The following TOX variants were observed in gnomAD, a reference collection of about 807,000 sequenced individuals.
TOX encodes thymocyte selection associated high mobility group box.
A neutral mutation model predicts 53.7 loss-of-function variants in TOX; 11 were observed. The observed-to-expected ratio is 0.20, with a 90% CI of 0.13 to 0.34. The LOEUF is 0.34. Ranked by LOEUF, TOX falls within the 10% of genes least tolerant of loss-of-function variation. The pLI is 1.00. For missense variants in TOX, 570 were observed against 664.6 expected, an observed-to-expected ratio of 0.86 and a Z score of 1.56; for synonymous variants, 225 against 245.3, an observed-to-expected ratio of 0.92 and a Z score of 0.77.
intron 2 of TOX, among the ~76,000 whole-genome samples, chr8:58,948,718 T>TA (rs1812567093): frequency 6.6e-6 from 1 of 151,072 alleles, no homozygotes; most frequent in Non-Finnish European, 1.5e-5. Context: ...CTATTTTTTT[T>TA]AGTCATCTAG....
chr8:59,077,522 A>G (rs560450482), intron 1 of TOX, among the ~76,000 whole-genome samples: 1 of 152,232 alleles, frequency 6.6e-6, no homozygotes, highest in Non-Finnish European at 1.5e-5. Flanking sequence ...TGGGTCTCTG[A>G]GATCCCTCTT....
chr8:58,969,779 C>T (rs1215112707), intron 1 of TOX, among the ~76,000 whole-genome samples: 1 of 152,062 alleles, frequency 6.6e-6, no homozygotes, highest in Non-Finnish European at 1.5e-5. Context: ...TTGACAATGT[C>T]CATTTTATCA....
chr8:58,883,325 T>C (rs1811413493), intron 3 of TOX, among the ~76,000 whole-genome samples: 1 of 152,208 alleles, frequency 6.6e-6, no homozygotes, highest in African/African-American at 2.4e-5. Flanking sequence ...CTAAAGGACT[T>C]TGATTGAACA....
At chr8:58,939,586 T>C in intron 2 of TOX, 42 bp from the exon 3 acceptor site, 1 of 1,568,644 alleles carries the variant, frequency 6.4e-7, no homozygotes, top group African/African-American at 1.4e-5. Flanking sequence ...ATTATCATCT[T>C]CTTGCTCTTC....
intron 1 of TOX, among the ~76,000 whole-genome samples, chr8:59,044,418 C>T (rs2129420944): frequency 6.6e-6 from 1 of 152,202 alleles, no homozygotes; most frequent in Non-Finnish European, 1.5e-5. Context: ...ACAAGATTTC[C>T]CACCTGTCCC....
intron 1 of TOX, among the ~76,000 whole-genome samples, chr8:59,077,875 T>G (rs969460667): frequency 3.9e-5 from 6 of 152,182 alleles, no homozygotes; most frequent in African/African-American, 1.4e-4. Flanking sequence ...GAACAATCCT[T>G]TTTGCCCCTT....
chr8:59,096,486 T>C (rs1804714121), intron 1 of TOX, among the ~76,000 whole-genome samples: 2 of 152,200 alleles, frequency 1.3e-5, no homozygotes, highest in Non-Finnish European at 2.9e-5. Context: ...AAAATCCAGA[T>C]TGCCCTGTAG....
chr8:59,066,951 ATAT>A (rs1563435613), intron 1 of TOX, among the ~76,000 whole-genome samples: 1 of 152,246 alleles, frequency 6.6e-6, no homozygotes, highest in Non-Finnish European at 1.5e-5. Flanking sequence ...AAACACATCA[ATAT>A]TATGCAAACT....
chr8:59,085,035 A>T (rs1157262295), intron 1 of TOX, among the ~76,000 whole-genome samples: 1 of 152,220 alleles, frequency 6.6e-6, no homozygotes, highest in Non-Finnish European at 1.5e-5. Context: ...TAAACCAAAC[A>T]AAGAAATATA....
intron 3 of TOX, among the ~76,000 whole-genome samples, chr8:58,854,790 T>C (rs1274658834): frequency 6.6e-6 from 1 of 152,184 alleles, no homozygotes; most frequent in Non-Finnish European, 1.5e-5. Flanking sequence ...GATCTACCCA[T>C]GGCAACATTT....
chr8:58,847,695 C>T (rs1245906891), intron 4 of TOX, among the ~76,000 whole-genome samples: 1 of 151,986 alleles, frequency 6.6e-6, no homozygotes, highest in African/African-American at 2.4e-5. Flanking sequence ...AAGAAACCCA[C>T]ACATATCACC....
chr8:58,858,438 C>T (rs538098613), intron 3 of TOX, among the ~76,000 whole-genome samples: 10 of 152,328 alleles, frequency 6.6e-5, no homozygotes, highest in African/African-American at 1.4e-4. Flanking sequence ...ACTGCACCAC[C>T]GCCTCGGCTG....
intron 3 of TOX, among the ~76,000 whole-genome samples, chr8:58,871,284 G>C (rs141203496): frequency 2.0e-4 from 30 of 152,082 alleles, no homozygotes; most frequent in African/African-American, 7.2e-4. Flanking sequence ...GAAAGCAAAG[G>C]GGGCTTTTTT....
intron 3 of TOX, among the ~76,000 whole-genome samples, chr8:58,891,033 C>T (rs1262070839): frequency 6.6e-6 from 1 of 152,008 alleles, no homozygotes; most frequent in Non-Finnish European, 1.5e-5. Context: ...TCTCTCTCCT[C>T]CCTGCATTTT....
intron 1 of TOX, among the ~76,000 whole-genome samples, chr8:58,998,533 A>T (rs58197052): frequency 0.028 from 1,172 of 41,136 alleles, 36 homozygotes; most frequent in South Asian, 0.075. Context: ...ATATATATAT[A>T]TATATAAATT....
At chr8:59,081,118 C>T (rs1279681425) in intron 1 of TOX, among the ~76,000 whole-genome samples, 1 of 152,138 alleles carries the variant, frequency 6.6e-6, no homozygotes, top group African/African-American at 2.4e-5. Flanking sequence ...TGTCTGCCTC[C>T]TGGGTTCAAG....
rs144252381 is a variant in TOX at position 58,960,621 on chromosome 8, G to A, written c.103-613C>T. Among the ~76,000 whole-genome samples the A allele has an allele frequency of 3.3e-3, 507 of 152,196 alleles. 7 individuals carry two copies. The highest frequency in any genetic ancestry group is 0.012 in the African/African-American group (488 of 41,544). Reference sequence around the variant, plus strand: ...CAGGCACAATGAAATACTCCTTTTTGAAATATTTCAGATATCGAATTTATG... The same window carrying A: ...CAGGCACAATGAAATACTCCTTTTTAAAATATTTCAGATATCGAATTTATG... On this transcript the variant is annotated intron_variant, in intron 1 of 8. Coordinates refer to ENST00000361421, the MANE Select transcript of TOX (RefSeq NM_014729.3).
Position 58,815,419 on chromosome 8 carries a change from C to T in TOX, c.1311G>A (p.Gln437=). The change falls in exon 7 of 9, where the codon CAG becomes CAA. Residue 437 remains glutamine (Q), a synonymous_variant. Coordinates refer to ENST00000361421, the MANE Select transcript of TOX (RefSeq NM_014729.3). The part of the protein sequence containing the change: ...LHQHLNMQQH[Q]PLTMQQPLGN... The stretch of plus-strand genomic sequence containing the variant: ...CAAGGGGCTGCTGCATGGTGAGCGG[C>T]TGGTGCTGCTGCATGTTGAGATGCT... 2 of 1,613,948 alleles carry T rather than the reference C, an allele frequency of 1.2e-6. No homozygotes were observed. The highest frequency in any genetic ancestry group is 1.7e-6 in the Non-Finnish European group (2 of 1,179,962).
intron 3 of TOX, among the ~76,000 whole-genome samples, chr8:58,859,774 C>T (rs1810976191): frequency 6.6e-6 from 1 of 152,108 alleles, no homozygotes; most frequent in East Asian, 1.9e-4. Flanking sequence ...TTGGTGTGTT[C>T]AGAGCAAAAC....
Sources: allele counts gnomAD v4.1 joint callset (sites outside exome capture counted in the v4.1 genomes callset), GRCh38; gene constraint gnomAD v4.1.1; transcripts MANE v1.5; gene names NCBI Gene and HGNC (gene_info 2026-07-23, HGNC 2026-07-21).